STAMBPL1: variants seen among roughly 807,000 people sequenced by gnomAD.
STAMBPL1 encodes STAM binding protein like 1.
In STAMBPL1, 44 loss-of-function variants were observed where a neutral mutation model predicts 52.9. The observed-to-expected ratio is 0.83, with a 90% CI of 0.65 to 1.07. STAMBPL1 has a LOEUF of 1.07. Ranked by LOEUF, STAMBPL1 falls within the 50% of genes least tolerant of loss-of-function variation. The pLI is 0.00. For missense variants in STAMBPL1, 511 were observed against 520.8 expected, an observed-to-expected ratio of 0.98 and a Z score of 0.18; for synonymous variants, 164 against 177.3, an observed-to-expected ratio of 0.92 and a Z score of 0.60.
chr10:88,918,826 AT>A (rs1564634789), intron 8 of STAMBPL1, among the ~76,000 whole-genome samples: 1 of 152,162 alleles, frequency 6.6e-6, no homozygotes, highest in Non-Finnish European at 1.5e-5. Context: ...CTAACAAAAC[AT>A]TTTCCAAATT....
chr10:88,891,168 T>G (rs1844672461), intron 1 of STAMBPL1, among the ~76,000 whole-genome samples: 1 of 152,192 alleles, frequency 6.6e-6, no homozygotes, highest in Non-Finnish European at 1.5e-5. Flanking sequence ...TCAAATGTAT[T>G]TATCCAAAAA....
At chr10:88,895,305 A>G (rs1355427412) in intron 1 of STAMBPL1, among the ~76,000 whole-genome samples, 2 of 152,220 alleles carry the variant, frequency 1.3e-5, no homozygotes, top group Non-Finnish European at 2.9e-5. Context: ...TCATTGTCCA[A>G]TATTTGGTTA....
rs1472828212 is a variant in STAMBPL1, at chr10:88,880,553, G to A, written c.-139G>A. ...CACCGCGGCCCGGGTTGCAGCAGCC[G>A]GACGGATGCCAAGGCCACACGGCAG... On this transcript the variant is annotated 5_prime_UTR_variant, in exon 1 of 11. Coordinates refer to ENST00000371926, the MANE Select transcript of STAMBPL1 (RefSeq NM_020799.4). The A allele has an allele frequency of 2.0e-5, 3 of 152,288 alleles. No homozygotes were observed. Among genetic ancestry groups the A allele is most frequent in the African/African-American group, 4.8e-5 (2 of 41,478 alleles). The allele number at this position is 152,288 out of a possible 1,614,324, so 9.4% of individuals were successfully genotyped here.
chr10:88,907,687 G>GA (rs1282290716), intron 3 of STAMBPL1, among the ~76,000 whole-genome samples: 1 of 152,162 alleles, frequency 6.6e-6, no homozygotes, highest in African/African-American at 2.4e-5. Flanking sequence ...ATTTATGGGA[G>GA]AAAATCTCTG....
In STAMBPL1 at chr10:88,923,467, A is replaced by G; in HGVS notation, c.*243A>G. 8.2e-6 allele frequency: 10 copies of G among 1,216,878 alleles called. No individual in the cohort carries two copies. The highest frequency in any genetic ancestry group is 1.0e-5 in the Non-Finnish European group (10 of 977,746). 75.4% of individuals were successfully genotyped at this position (1,216,878 alleles called of 1,614,324 possible). On this transcript the variant is annotated 3_prime_UTR_variant, in exon 11 of 11. Coordinates refer to ENST00000371926, the MANE Select transcript of STAMBPL1 (RefSeq NM_020799.4). ...ATGTACCCAAATACTATGGCCAGAT[A>G]ATAAATTGTGCTGCAAACAACATGT...
At chr10:88,911,246 G>T (rs1442535553) in intron 5 of STAMBPL1, among the ~76,000 whole-genome samples, 1 of 152,190 alleles carries the variant, frequency 6.6e-6, no homozygotes, top group Non-Finnish European at 1.5e-5. Flanking sequence ...TTAGAAAACA[G>T]ATTTCCTGCA....
At chr10:88,915,161 A>G (rs375707513) in intron 7 of STAMBPL1, among the ~76,000 whole-genome samples, 28 of 152,186 alleles carry the variant, frequency 1.8e-4, no homozygotes, top group African/African-American at 6.3e-4. Flanking sequence ...TTAATTATGG[A>G]AGATGTCATC....
chr10:88,914,764 A>G, intron 7 of STAMBPL1, 106 bp downstream of exon 7: 1 of 422,640 alleles, frequency 2.4e-6, no homozygotes, highest in Non-Finnish European at 3.6e-6. Flanking sequence ...CCATGCTAAG[A>G]GTTATCAATA....
chr10:88,884,333 C>T (rs554765591), intron 1 of STAMBPL1, among the ~76,000 whole-genome samples: 31 of 152,244 alleles, frequency 2.0e-4, no homozygotes, highest in African/African-American at 7.5e-4. Context: ...GGGTTTCCTC[C>T]ATGTCATATT....
chr10:88,915,211 T>A (rs11595119), intron 7 of STAMBPL1, among the ~76,000 whole-genome samples: 28,768 of 152,088 alleles, frequency 0.19, 2,960 homozygotes, highest in African/African-American at 0.26. Context: ...ATAGAAGGGA[T>A]GAAAGAGAGG....
At chr10:88,891,879 T>G (rs2133134074) in intron 1 of STAMBPL1, among the ~76,000 whole-genome samples, 1 of 152,310 alleles carries the variant, frequency 6.6e-6, no homozygotes, top group South Asian at 2.1e-4. Context: ...TAAATAAATT[T>G]ATTTGGAGCT....
chr10:88,901,728 T>A lies in STAMBPL1; in HGVS notation c.20T>A (p.Val7Glu). 3 of 1,612,712 alleles carry A rather than the reference T, an allele frequency of 1.9e-6. No homozygotes were observed. Among genetic ancestry groups the A allele is most frequent in the Non-Finnish European group, 2.5e-6 (3 of 1,179,446 alleles). MDQPFT[V>E]NSLKKLAAMP... ...GACAACATGGATCAGCCTTTTACTG[T>A]GAATTCTCTGGTAGGTCACACCAGC... is the stretch of plus-strand genomic sequence containing the variant. Residue 7 changes from valine (V) to glutamate (E), a missense_variant, in exon 2 of 11, where the codon GTG becomes GAG. By Grantham distance (121) the Val-to-Glu change is moderately radical. This residue lies in a region of STAMBPL1 where 358 missense variants were observed against 343.5 expected (regional missense o/e 1.04). Coordinates refer to ENST00000371926, the MANE Select transcript of STAMBPL1 (RefSeq NM_020799.4).
At chr10:88,882,955 A>G (rs1205906942) in intron 1 of STAMBPL1, 1 of 151,060 alleles carries the variant, frequency 6.6e-6, no homozygotes, top group Admixed American at 6.6e-5. Context: ...GGTGTGCTGC[A>G]CCCATTAACT....
intron 8 of STAMBPL1, 65 bp downstream of exon 8, chr10:88,916,882 A>G: frequency 7.2e-7 from 1 of 1,380,232 alleles, no homozygotes. Flanking sequence ...CTCCTTGAAG[A>G]AAAGTTTAGC....
intron 7 of STAMBPL1, 52 bp from the exon 8 acceptor site, chr10:88,916,627 AT>A (rs201798892): frequency 0.087 from 86,442 of 995,198 alleles, 12 homozygotes; most frequent in South Asian, 0.12. Context: ...CTGTTCAGTT[AT>A]TTTTTTTTTT....
At chr10:88,908,935 T>C (rs893587158) in intron 4 of STAMBPL1, among the ~76,000 whole-genome samples, 158 bp downstream of exon 4, 2 of 152,204 alleles carry the variant, frequency 1.3e-5, no homozygotes, top group African/African-American at 2.4e-5. Flanking sequence ...TCTTAGACAT[T>C]TAATGATCAT....
At chr10:88,906,688 G>A (rs1041815647) in intron 3 of STAMBPL1, among the ~76,000 whole-genome samples, 2 of 152,150 alleles carry the variant, frequency 1.3e-5, no homozygotes, top group South Asian at 2.1e-4. Context: ...CTGCAGCCTC[G>A]ACCTCCCTGG....
At chr10:88,897,260 A>G (rs1378807050) in intron 1 of STAMBPL1, among the ~76,000 whole-genome samples, 1 of 152,166 alleles carries the variant, frequency 6.6e-6, no homozygotes, top group African/African-American at 2.4e-5. Context: ...TGTTAGCTGA[A>G]TCTCTGGGAC....
At chr10:88,908,585 A>G in intron 3 of STAMBPL1, 117 bp from the exon 4 acceptor site, 1 of 814,142 alleles carries the variant, frequency 1.2e-6, no homozygotes, top group Non-Finnish European at 2.0e-6. Context: ...GACTGAAGGT[A>G]AATGAATAAG....
Sources: allele counts gnomAD v4.1 joint callset (sites outside exome capture counted in the v4.1 genomes callset), GRCh38; gene constraint gnomAD v4.1.1; regional missense constraint gnomAD v4.1.1; transcripts MANE v1.5; gene names NCBI Gene and HGNC (gene_info 2026-07-23, HGNC 2026-07-21).